Variants in MOCS2 observed in about 807,000 individuals in gnomAD.
The protein encoded by MOCS2 is molybdopterin synthase catalytic subunit.
MOCS2 carries 13 observed loss-of-function variants against 21.9 expected under a neutral mutation model. The observed-to-expected ratio is 0.59, with a 90% confidence interval of 0.39 to 0.94. The LOEUF is 0.94. MOCS2 is among the 40% of genes least tolerant of loss of function. The pLI is 0.00. For missense variants in MOCS2, 227 were observed against 218.3 expected (o/e 1.04, Z -0.25); for synonymous variants, 92 against 80.8 (o/e 1.14, Z -0.74).
chr5:53,108,445 C>A, intron 2 of MOCS2, 77 bp downstream of exon 2: 1 of 1,306,126 alleles, frequency 7.7e-7, no homozygotes, highest in African/African-American at 1.6e-5. Context: ...TCGAAATTAA[C>A]CTTTTTACTT....
chr5:53,107,650 T>C (rs1424036882), intron 2 of MOCS2: 1 of 161,656 alleles, frequency 6.2e-6, no homozygotes, highest in Admixed American at 5.9e-5. Context: ...TTAAGTTGCT[T>C]AGAAAGATGA....
chr5:53,109,373 T>G lies in MOCS2; in HGVS notation c.-292A>C. On this transcript the variant is annotated 5_prime_UTR_variant, in exon 1 of 7. Coordinates refer to ENST00000396954, the MANE Select transcript of MOCS2 (RefSeq NM_004531.5). ...AATTCTCCATGAGGTGCATTTCTTT[T>G]TAGATTAAAATTTTAGCTTCATCAA... The G allele has an allele frequency of 8.6e-7, 1 of 1,165,776 alleles. No homozygotes were observed. The highest frequency in any genetic ancestry group is 1.1e-6 in the Non-Finnish European group (1 of 945,674). 72.2% of individuals were successfully genotyped at this position (1,165,776 alleles called of 1,614,324 possible).
At chr5:53,101,091 A>G (rs1740894684) in intron 5 of MOCS2, 1 of 510,564 alleles carries the variant, frequency 2.0e-6, no homozygotes, top group Admixed American at 3.5e-5. Flanking sequence ...ATCAAAAAGA[A>G]TCTGTCACAG....
At chr5:53,109,028 G>T (rs755274724) in intron 1 of MOCS2, among the ~76,000 whole-genome samples, 28 of 152,242 alleles carry the variant, frequency 1.8e-4, no homozygotes, top group Admixed American at 3.9e-4. Context: ...TAAAATAAAT[G>T]AATAAATAAG....
chr5:53,106,029 T>A (rs1278793951), intron 3 of MOCS2, among the ~76,000 whole-genome samples: 3 of 152,230 alleles, frequency 2.0e-5, no homozygotes, highest in African/African-American at 7.2e-5. Context: ...TGAGATACCA[T>A]CTCACACCAG....
chr5:53,104,373 C>A (rs1448649132), intron 3 of MOCS2, among the ~76,000 whole-genome samples: 1 of 152,186 alleles, frequency 6.6e-6, no homozygotes, highest in African/African-American at 2.4e-5. Flanking sequence ...TAATACCAGT[C>A]CTGCGAAACA....
rs752882056 is a variant in MOCS2 at position 53,100,441 on chromosome 5, A to G, written c.471T>C (p.Thr157=). ...TCCATATGGGCACCTTGGCTTTTAAAGTATCAATGGCATAGCTCACAGCTT... is the reference window on the plus strand; with the variant it reads ...TCCATATGGGCACCTTGGCTTTTAAGGTATCAATGGCATAGCTCACAGCTT... ...SLEAVSYAID[T]LKAKVPIWKK... The change falls in exon 6 of 7, where the codon ACT becomes ACC. Residue 157 remains threonine (T), a synonymous_variant. Coordinates refer to ENST00000396954, the MANE Select transcript of MOCS2 (RefSeq NM_004531.5). 2 of 1,613,906 alleles carry G rather than the reference A, an allele frequency of 1.2e-6. No homozygotes were observed. Among genetic ancestry groups the G allele is most frequent in the South Asian group, 1.1e-5 (1 of 91,078 alleles).
In MOCS2 at chr5:53,095,864, C is replaced by G. The variant is rs1366000324; in HGVS notation, c.*2738G>C. The stretch of plus-strand genomic sequence containing the variant: ...TTTATTCTACATCACTTGTTAAAAA[C>G]TACAAATTGCATTTTCAAAAACTCC... On this transcript the variant is annotated 3_prime_UTR_variant, in exon 7 of 7. Transcript: ENST00000396954. The G allele has an allele frequency of 1.3e-5, 2 of 152,102 alleles. 1 individual carries two copies. Among genetic ancestry groups the G allele is most frequent in the African/African-American group, 4.8e-5 (2 of 41,424 alleles). The allele number at this position is 152,102 out of a possible 1,614,324, so 9.4% of individuals were successfully genotyped here. A position where few individuals can be genotyped will look rare whatever the true frequency, so the allele number is the denominator to read the frequency against.
At chr5:53,106,241 A>G (rs1741045103) in intron 3 of MOCS2, among the ~76,000 whole-genome samples, 1 of 152,236 alleles carries the variant, frequency 6.6e-6, no homozygotes, top group African/African-American at 2.4e-5. Flanking sequence ...ATAAAGACAC[A>G]TGCACACGTC....
chr5:53,107,279 T>G, intron 2 of MOCS2, 58 bp from the exon 3 acceptor site: 1 of 1,484,816 alleles, frequency 6.7e-7, no homozygotes, highest in African/African-American at 1.4e-5. Flanking sequence ...TCAAATCGCT[T>G]CAGCTGCAAT....
rs371082200 is a variant in MOCS2, at chr5:53,102,126, G to A, written c.197C>T (p.Pro66Leu). 4.7e-5 allele frequency: 76 copies of A among 1,613,570 alleles called. No individual in the cohort carries two copies. The highest frequency in any genetic ancestry group is 1.6e-4 in the Middle Eastern group (1 of 6,080). ...VDEVSQLVIS[P>L]LCGAISLFVG... ...AAATAGGGATATTGCACCACAGAGC[G>A]GAGAAATCACCAACTGTGAGACTTC... The change falls in exon 4 of 7, where the codon CCG becomes CTG. Residue 66 changes from proline (P) to leucine (L), a missense_variant. Physicochemically the swap from Pro to Leu is moderately conservative, Grantham distance 98. Transcript: ENST00000396954.
In MOCS2 at chr5:53,101,370, G is replaced by C; in HGVS notation, c.366C>G (p.Phe122Leu). 6.2e-7 allele frequency: 1 copy of C among 1,613,768 alleles called. No homozygotes were observed. Among genetic ancestry groups the C allele is most frequent in the East Asian group, 2.2e-5 (1 of 44,852 alleles). ...QKWPVKHIAV[F>L]HRLGLVPVSE... The stretch of plus-strand genomic sequence containing the variant: ...AAAGGAAATCATACCCAAGTCTATG[G>C]AACACTGCTATGTGTTTGACTGGCC... The change falls in exon 5 of 7, where the codon TTC (phenylalanine) becomes TTG (leucine). Residue 122 changes from phenylalanine (F) to leucine (L), a missense_variant. Phe to Leu is a conservative substitution (Grantham distance 22). Coordinates refer to ENST00000396954, the MANE Select transcript of MOCS2 (RefSeq NM_004531.5).
Position 53,109,473 on chromosome 5 carries a change from A to G in MOCS2, c.-392T>C, listed in dbSNP as rs1741144497. ...GAACGAGTCCGTCCTTGCTGCCGTG[A>G]GCTGACAAGAGTTCTCGGAGAGGAC... On this transcript the variant is annotated 5_prime_UTR_variant, in exon 1 of 7. Transcript: ENST00000396954. 5.4e-6 allele frequency: 7 copies of G among 1,304,744 alleles called. No individual in the cohort carries two copies. The highest frequency in any genetic ancestry group is 6.8e-6 in the Non-Finnish European group (7 of 1,027,998). 80.8% of individuals were successfully genotyped at this position (1,304,744 alleles called of 1,614,324 possible).
In MOCS2 at chr5:53,109,521, C is replaced by T. The variant is rs1741146133; in HGVS notation, c.-440G>A. 6 of 1,366,528 alleles carry T rather than the reference C, an allele frequency of 4.4e-6. No individual in the cohort carries two copies. In the East Asian group the frequency reaches 1.4e-4, roughly 31 times the overall value. 84.7% of individuals were successfully genotyped at this position (1,366,528 alleles called of 1,614,324 possible). Reference sequence around the variant, plus strand: ...GACCCGACTTCTGCTGGGGCAGTCGCAGTAAAGCCCGGAGACAGGAAGGGC... The same window carrying T: ...GACCCGACTTCTGCTGGGGCAGTCGTAGTAAAGCCCGGAGACAGGAAGGGC... On this transcript the variant is annotated 5_prime_UTR_variant, in exon 1 of 7. Transcript: ENST00000396954.
Position 53,095,958 on chromosome 5 carries a change from A to G in MOCS2, c.*2644T>C, listed in dbSNP as rs1270013251. On this transcript the variant is annotated 3_prime_UTR_variant, in exon 7 of 7. Transcript: ENST00000396954. ...TTAAAGATTGGACATCATCTTACATAAAATCAGGGCCTAATTTTCATTTCG... is the reference window on the plus strand; with the variant it reads ...TTAAAGATTGGACATCATCTTACATGAAATCAGGGCCTAATTTTCATTTCG... 2 of 152,208 alleles carry G rather than the reference A, an allele frequency of 1.3e-5. No individual in the cohort carries two copies. Among genetic ancestry groups the G allele is most frequent in the Non-Finnish European group, 2.9e-5 (2 of 68,028 alleles). The allele number at this position is 152,208 out of a possible 1,614,324, so 9.4% of individuals were successfully genotyped here.
rs766341488 is a variant in MOCS2 at position 53,107,216 on chromosome 5, G to C, written c.-42C>G. On this transcript the variant is annotated 5_prime_UTR_variant, in exon 3 of 7. Coordinates refer to ENST00000396954, the MANE Select transcript of MOCS2 (RefSeq NM_004531.5). The stretch of plus-strand genomic sequence containing the variant: ...AAATATTATCTGATTTCTAACATCA[G>C]CCAATCTAAAGGGGAAAAAATATGA... 33 of 1,612,600 alleles carry C rather than the reference G, an allele frequency of 2.0e-5. No homozygotes were observed. Among genetic ancestry groups the C allele is most frequent in the Non-Finnish European group, 2.7e-5 (32 of 1,179,454 alleles).
At chr5:53,105,123 C>T (rs1741015067) in intron 3 of MOCS2, among the ~76,000 whole-genome samples, 1 of 152,074 alleles carries the variant, frequency 6.6e-6, no homozygotes, top group Admixed American at 6.6e-5. Flanking sequence ...ATGATTAGCT[C>T]TCTTTTCAGG....
rs776441627 is a variant in MOCS2 at position 53,107,118 on chromosome 5, T to A, written c.57A>T (p.Leu19Phe). The A allele has an allele frequency of 3.6e-5, 58 of 1,613,996 alleles. 1 individual carries two copies. Among genetic ancestry groups the A allele is most frequent in the Non-Finnish European group, 4.2e-5 (50 of 1,180,004 alleles). The change falls in exon 3 of 7, where the codon TTA becomes TTT. Residue 19 changes from leucine to phenylalanine, a missense_variant. Leu to Phe is a conservative substitution (Grantham distance 22, BLOSUM62 0). Coordinates refer to ENST00000396954, the MANE Select transcript of MOCS2 (RefSeq NM_004531.5). ...CACTATCCTCCACTAATGGGGGGGA[T>A]AACGGCAATTTCGTCTCCAGGCTGA... The part of the protein sequence containing the change: ...SCFSLETKLP[L>F]SPPLVEDSAF...
At chr5:53,105,709 A>G (rs535885207) in intron 3 of MOCS2, among the ~76,000 whole-genome samples, 1 of 152,330 alleles carries the variant, frequency 6.6e-6, no homozygotes, top group Admixed American at 6.5e-5. Context: ...AATTGCAGCA[A>G]AAGCAAAAAT....
Sources: gnomAD v4.1 joint callset for allele counts (sites outside exome capture counted in the v4.1 genomes callset) on GRCh38, gnomAD v4.1.1 for gene constraint, MANE v1.5 for transcripts, NCBI Gene and HGNC (gene_info 2026-07-23, HGNC 2026-07-21) for gene names.